Variants in SMC4 observed in about 807,000 individuals in gnomAD.
The protein encoded by SMC4 is structural maintenance of chromosomes 4, also known as structural maintenance of chromosomes protein 4.
A neutral mutation model predicts 145.6 loss-of-function variants in SMC4; 87 were observed. The observed-to-expected ratio is 0.60, with a 90% CI of 0.50 to 0.71. The LOEUF (loss-of-function observed/expected upper bound fraction) is 0.71. Ranked by LOEUF, SMC4 falls within the 30% of genes least tolerant of loss-of-function variation. The pLI is 0.00. For missense variants in SMC4, 1,447 were observed against 1,537.1 expected, an observed-to-expected ratio of 0.94 and a Z score of 0.98; for synonymous variants, 558 against 500.7, an observed-to-expected ratio of 1.11 and a Z score of -1.53.
At chr3:160,427,069 C>T (rs1717869731) in intron 17 of SMC4, among the ~76,000 whole-genome samples, 1 of 152,184 alleles carries the variant, frequency 6.6e-6, no homozygotes, top group Non-Finnish European at 1.5e-5. Context: ...AATGTTGACA[C>T]ATTTCCACAA....
intron 2 of SMC4, 70 bp from the exon 3 acceptor site, chr3:160,401,845 A>T: frequency 8.1e-7 from 1 of 1,229,716 alleles, no homozygotes; most frequent in South Asian, 1.5e-5. Context: ...TAGTTCTCCG[A>T]ACTAATTGCA....
chr3:160,412,628 A>G (rs1716135320), intron 7 of SMC4, 175 bp downstream of exon 7: 13 of 1,192,564 alleles, frequency 1.1e-5, no homozygotes, highest in African/African-American at 3.2e-5. Flanking sequence ...TTGGGAGGCT[A>G]AGGCAGGAGG....
chr3:160,411,932 C>T lies in SMC4; in HGVS notation c.700C>T (p.Gln234Ter). The T allele has an allele frequency of 1.2e-6, 2 of 1,611,948 alleles. No homozygotes were observed. Among genetic ancestry groups the T allele is most frequent in the Non-Finnish European group, 1.7e-6 (2 of 1,178,980 alleles). The part of the protein sequence containing the change: ...RFLILQGEVE[Q>*]IAMMKPKGQT... ...CTTTTTTTTAAAGGGTGAAGTTGAA[C>T]AAATTGCTATGATGAAACCAAAAGG... is the stretch of plus-strand genomic sequence containing the variant. Residue 234 changes from glutamine to a stop codon, truncating the protein, a stop_gained, in exon 6 of 24, where the codon CAA (glutamine) becomes TAA (stop). Coordinates refer to ENST00000357388, the MANE Select transcript of SMC4 (RefSeq NM_001002800.3). LOFTEE classifies it high-confidence loss of function.
At chr3:160,415,905 G>A (rs943662181) in intron 9 of SMC4, among the ~76,000 whole-genome samples, 14 of 152,194 alleles carry the variant, frequency 9.2e-5, no homozygotes, top group Non-Finnish European at 1.6e-4. Context: ...TACCAGGAAG[G>A]ATAGTTTAGA....
At chr3:160,415,579 C>T (rs1221407950) in intron 9 of SMC4, among the ~76,000 whole-genome samples, 1 of 152,234 alleles carries the variant, frequency 6.6e-6, no homozygotes, top group Non-Finnish European at 1.5e-5. Flanking sequence ...CTGCTTAGCA[C>T]AGCTGATAAA....
chr3:160,431,939 C>T (rs550663872), intron 21 of SMC4, 114 bp downstream of exon 21: 75 of 1,099,138 alleles, frequency 6.8e-5, no homozygotes, highest in South Asian at 4.9e-4. Flanking sequence ...TGGTGGCTCA[C>T]GCCTGTAATC....
chr3:160,432,234 C>T (rs766690449), intron 21 of SMC4, 49 bp from the exon 22 acceptor site: 2 of 1,309,708 alleles, frequency 1.5e-6, no homozygotes, highest in South Asian at 1.3e-5. Context: ...TGCTAATTAT[C>T]ATATCAAATT....
At chr3:160,433,324 C>T (rs757392009) in intron 23 of SMC4, 115 bp downstream of exon 23, 29 of 691,558 alleles carry the variant, frequency 4.2e-5, no homozygotes, top group Non-Finnish European at 6.3e-5. Flanking sequence ...CTAATAACTC[C>T]ATCTCCATCT....
At chr3:160,401,811 C>A in intron 2 of SMC4, 104 bp from the exon 3 acceptor site, 1 of 813,488 alleles carries the variant, frequency 1.2e-6, no homozygotes, top group South Asian at 1.8e-5. Flanking sequence ...CCCTCCATCC[C>A]CTACTTTAAA....
At position 160,418,032 on chromosome 3, in the gene SMC4, C is replaced by T. The variant is rs940803643; in HGVS notation, c.1671+76C>T. 47 of 1,179,982 alleles carry T rather than the reference C, an allele frequency of 4.0e-5. 1 individual carries two copies. The highest frequency in any genetic ancestry group is 1.2e-4 in the South Asian group (9 of 73,058). 73.1% of individuals were successfully genotyped at this position (1,179,982 alleles called of 1,614,324 possible). On this transcript the variant is annotated intron_variant, in intron 11 of 23. Coordinates refer to ENST00000357388, the MANE Select transcript of SMC4 (RefSeq NM_001002800.3). ...TTTATACATTTTTGTTTTTAATCTC[C>T]GCGTCAGAGGTGACTAGTGATAAAT...
chr3:160,429,534 C>T (rs1176047772), intron 18 of SMC4, among the ~76,000 whole-genome samples: 4 of 151,342 alleles, frequency 2.6e-5, no homozygotes, highest in Admixed American at 6.6e-5. Flanking sequence ...TTTGTAGAGA[C>T]CAGAGTTTTG....
At chr3:160,433,373 A>C in intron 23 of SMC4, 164 bp downstream of exon 23, 1 of 561,756 alleles carries the variant, frequency 1.8e-6, no homozygotes, top group Non-Finnish European at 3.0e-6. Flanking sequence ...TTTTTATTTG[A>C]ACCAAATATT....
At chr3:160,411,860 AC>A in intron 5 of SMC4, 59 bp from the exon 6 acceptor site, 1 of 1,441,026 alleles carries the variant, frequency 6.9e-7, no homozygotes, top group Non-Finnish European at 9.5e-7. Context: ...CCCAATTCTC[AC>A]TTAAGATTGA....
In SMC4 at chr3:160,414,551, G is replaced by A. The variant is rs201732516; in HGVS notation, c.1272+34G>A. On this transcript the variant is annotated intron_variant, in intron 9 of 23. Coordinates refer to ENST00000357388, the MANE Select transcript of SMC4 (RefSeq NM_001002800.3). ...TAGAAAAAAATTCTTAAAATTTCAC[G>A]TCTGAATATCATACCTAGTTTTCAT... is the stretch of plus-strand genomic sequence containing the variant. 147 of 1,576,536 alleles carry A rather than the reference G, an allele frequency of 9.3e-5. 1 individual carries two copies. The Middle Eastern group carries it at 1.3e-3, about 13-fold the overall frequency.
At chr3:160,423,107 C>T (rs980001431) in intron 13 of SMC4, among the ~76,000 whole-genome samples, 2 of 152,016 alleles carry the variant, frequency 1.3e-5, no homozygotes, top group Non-Finnish European at 2.9e-5. Flanking sequence ...TTCTGGGTCC[C>T]TATAATTTGT....
chr3:160,411,974 G>A lies in SMC4; in HGVS notation c.742G>A (p.Glu248Lys). The change falls in exon 6 of 24, where the codon GAG becomes AAG. Residue 248 changes from glutamate (E) to lysine (K), a missense_variant. By Grantham distance (56) the Glu-to-Lys change is moderately conservative (BLOSUM62 1). Coordinates refer to ENST00000357388, the MANE Select transcript of SMC4 (RefSeq NM_001002800.3). ...MKPKGQTEHDEGMLEYLEDII... is the reference protein window; with the variant it reads ...MKPKGQTEHDKGMLEYLEDII... ...ACCAAAAGGCCAGACTGAACACGAT[G>A]AGGGTATGCTTGAATATTTAGAAGA... 6.2e-7 allele frequency: 1 copy of A among 1,613,546 alleles called. No homozygotes were observed. Among genetic ancestry groups the A allele is most frequent in the Non-Finnish European group, 8.5e-7 (1 of 1,179,712 alleles).
chr3:160,426,738 C>T (rs1717834866), intron 17 of SMC4, among the ~76,000 whole-genome samples: 1 of 152,058 alleles, frequency 6.6e-6, no homozygotes, highest in South Asian at 2.1e-4. Flanking sequence ...AATTGAAATC[C>T]CCTGATCATG....
At chr3:160,404,599 A>G in intron 5 of SMC4, 95 bp downstream of exon 5, 1 of 1,091,538 alleles carries the variant, frequency 9.2e-7, no homozygotes, top group Non-Finnish European at 1.4e-6. Context: ...TGAGGCCTTA[A>G]AGTACTGTAG....
intron 5 of SMC4, among the ~76,000 whole-genome samples, chr3:160,408,195 C>G (rs1715562235): frequency 6.6e-6 from 1 of 152,178 alleles, no homozygotes; most frequent in Non-Finnish European, 1.5e-5. Flanking sequence ...TGAGGCCTTA[C>G]TAGGACAACA....
Sources: gnomAD v4.1 joint callset for allele counts (sites outside exome capture counted in the v4.1 genomes callset) on GRCh38, gnomAD v4.1.1 for gene constraint, MANE v1.5 for transcripts, NCBI Gene and HGNC (gene_info 2026-07-23, HGNC 2026-07-21) for gene names.